AQR: variants seen among roughly 807,000 people sequenced by gnomAD.
AQR encodes the protein aquarius intron-binding spliceosomal factor.
AQR carries 61 observed loss-of-function variants against 180.5 expected under a neutral mutation model. The ratio of observed to expected loss-of-function variants is 0.34; its 90% CI spans 0.28 to 0.42. AQR has a LOEUF of 0.42. AQR is among the 10% of genes least tolerant of loss of function. AQR has a pLI of 1.00. For synonymous variants in AQR, 551 were observed against 588.8 expected (o/e 0.94, Z 0.93); for missense variants, 1,281 against 1,798.3 (o/e 0.71, Z 5.20).
At chr15:34,881,635 A>G (rs1410935035) in intron 27 of AQR, among the ~76,000 whole-genome samples, 6 of 152,228 alleles carry the variant, frequency 3.9e-5, no homozygotes, top group African/African-American at 7.2e-5. Context: ...TGTTTTTATC[A>G]TATGATGAAA....
At chr15:34,916,996 A>G (rs1893604766) in intron 15 of AQR, among the ~76,000 whole-genome samples, 1 of 152,134 alleles carries the variant, frequency 6.6e-6, no homozygotes, top group South Asian at 2.1e-4. Context: ...GCTATCCCAG[A>G]ATACTCCTAT....
At chr15:34,906,347 T>G (rs1893417089) in intron 18 of AQR, among the ~76,000 whole-genome samples, 198 bp downstream of exon 18, 1 of 152,142 alleles carries the variant, frequency 6.6e-6, no homozygotes, top group Admixed American at 6.5e-5. Flanking sequence ...CTCCAGCCTG[T>G]GTGACACAGT....
intron 5 of AQR, among the ~76,000 whole-genome samples, chr15:34,946,897 G>A (rs1291511760): frequency 2.0e-5 from 3 of 148,434 alleles, no homozygotes; most frequent in African/African-American, 7.5e-5. Flanking sequence ...GGGGGGGTCA[G>A]CCCCCCGTCC....
At chr15:34,924,435 CTTT>C (rs1225763729) in intron 13 of AQR, among the ~76,000 whole-genome samples, 2 of 145,208 alleles carry the variant, frequency 1.4e-5, no homozygotes, top group Non-Finnish European at 1.5e-5. Flanking sequence ...AATCAATATA[CTTT>C]TTTTTTTTTT....
chr15:34,882,267 T>C (rs1757732200), intron 27 of AQR, among the ~76,000 whole-genome samples: 1 of 152,004 alleles, frequency 6.6e-6, no homozygotes, highest in Admixed American at 6.6e-5. Flanking sequence ...CTTTAACAAG[T>C]ATGAGAATTT....
At chr15:34,949,958 C>T (rs191607318) in intron 4 of AQR, among the ~76,000 whole-genome samples, 133 of 129,572 alleles carry the variant, frequency 1.0e-3, no homozygotes, top group African/African-American at 3.3e-3. Flanking sequence ...AGAGTGAGAC[C>T]CCATCTCCAA....
chr15:34,946,411 GC>G (rs1478731535), intron 5 of AQR, among the ~76,000 whole-genome samples: 6 of 145,742 alleles, frequency 4.1e-5, no homozygotes, highest in South Asian at 2.2e-4. Context: ...CCGGCCAGCC[GC>G]CCCGTCCGGG....
chr15:34,920,148 G>C (rs1893661953), intron 14 of AQR, among the ~76,000 whole-genome samples, 184 bp downstream of exon 14: 2 of 152,128 alleles, frequency 1.3e-5, no homozygotes, highest in Admixed American at 1.3e-4. Flanking sequence ...TAAAATACTT[G>C]AGTAAAGAAA....
intron 5 of AQR, among the ~76,000 whole-genome samples, chr15:34,945,556 A>G (rs1005622301): frequency 6.6e-6 from 1 of 152,210 alleles, no homozygotes; most frequent in Non-Finnish European, 1.5e-5. Context: ...CCTGGCTCAA[A>G]AAATTTTCCT....
In AQR at chr15:34,896,445, C is replaced by T. The variant is rs547476471; in HGVS notation, c.2460+452G>A. Among the ~76,000 whole-genome samples, 175 of 152,026 alleles carry T rather than the reference C, an allele frequency of 1.2e-3. 2 individuals carry two copies. Among genetic ancestry groups the T allele is most frequent in the South Asian group, 9.3e-3 (45 of 4,816 alleles). On this transcript the variant is annotated intron_variant, in intron 22 of 34. Transcript: ENST00000156471. Reference sequence around the variant, plus strand: ...GCAAGATCTCTAAATGCATAAGAACCTACACTTACTTGTAAACGCTTAAAT... The same window carrying T: ...GCAAGATCTCTAAATGCATAAGAACTTACACTTACTTGTAAACGCTTAAAT...
chr15:34,938,973 AT>A (rs1323732847), intron 8 of AQR, among the ~76,000 whole-genome samples, 160 bp from the exon 9 acceptor site: 1 of 152,220 alleles, frequency 6.6e-6, no homozygotes, highest in East Asian at 1.9e-4. Flanking sequence ...TTCTATGTAA[AT>A]ACAGTGCTAT....
chr15:34,928,233 T>C (rs1893794504), intron 12 of AQR, among the ~76,000 whole-genome samples: 1 of 152,156 alleles, frequency 6.6e-6, no homozygotes, highest in Non-Finnish European at 1.5e-5. Context: ...TTATTTATTT[T>C]TTCTTCTAAA....
intron 4 of AQR, among the ~76,000 whole-genome samples, chr15:34,952,632 T>C (rs979110712): frequency 6.6e-6 from 1 of 152,234 alleles, no homozygotes; most frequent in Non-Finnish European, 1.5e-5. Flanking sequence ...AAACCAAGTT[T>C]GAGTTCAGAA....
At chr15:34,964,480 T>C (rs1375619191) in intron 1 of AQR, 190 bp from the exon 2 acceptor site, 2 of 685,096 alleles carry the variant, frequency 2.9e-6, no homozygotes, top group Non-Finnish European at 5.4e-6. Flanking sequence ...TAAATGCCAG[T>C]AGTGCTTTGC....
chr15:34,858,312 G>A (rs1273617798), intron 34 of AQR, among the ~76,000 whole-genome samples: 31 of 85,074 alleles, frequency 3.6e-4, no homozygotes, highest in African/African-American at 1.4e-3. Flanking sequence ...TACCGTGCAC[G>A]ACAGCAGCAA....
chr15:34,893,644 C>G lies in AQR; in HGVS notation c.2571+19G>C. On this transcript the variant is annotated intron_variant, in intron 23 of 34. Coordinates refer to ENST00000156471, the MANE Select transcript of AQR (RefSeq NM_014691.3). ...ACACACACACACACACACACACACA[C>G]ACACACACAGTCATTTACCTGATTG... 3 of 1,586,480 alleles carry G rather than the reference C, an allele frequency of 1.9e-6. No homozygotes were observed. Among genetic ancestry groups the G allele is most frequent in the Admixed American group, 1.7e-5 (1 of 59,638 alleles).
chr15:34,888,295 C>G (rs1320094776), intron 24 of AQR, among the ~76,000 whole-genome samples: 1 of 150,258 alleles, frequency 6.7e-6, no homozygotes, highest in Non-Finnish European at 1.5e-5. Context: ...GAGACTCTGT[C>G]CCAATAAATA....
intron 2 of AQR, among the ~76,000 whole-genome samples, chr15:34,963,801 C>A (rs1362620947): frequency 1.3e-5 from 2 of 150,836 alleles, no homozygotes; most frequent in Non-Finnish European, 1.5e-5. Flanking sequence ...GTAGCTGGGA[C>A]TACAGGCGCC....
rs780288797 is a variant in AQR at position 34,884,575 on chromosome 15, T to A, written c.2977A>T (p.Ile993Phe). ...ATATGCCTGAAACATCCTTCAGCAA[T>A]TTCCATGTCTTCTTCATAAGATCTT... ...KGRSYEEDME[I>F]AEGCFRHIKK... Residue 993 changes from isoleucine to phenylalanine, a missense_variant, in exon 26 of 35, where the codon ATT (isoleucine) becomes TTT (phenylalanine). Coordinates refer to ENST00000156471, the MANE Select transcript of AQR (RefSeq NM_014691.3). 1 of 1,603,164 alleles carries A rather than the reference T, an allele frequency of 6.2e-7. No homozygotes were observed. The highest frequency in any genetic ancestry group is 8.5e-7 in the Non-Finnish European group (1 of 1,177,408).
Sources: gnomAD v4.1 joint callset for allele counts (sites outside exome capture counted in the v4.1 genomes callset) on GRCh38, gnomAD v4.1.1 for gene constraint, MANE v1.5 for transcripts, NCBI Gene and HGNC (gene_info 2026-07-23, HGNC 2026-07-21) for gene names.